RNF19A: variants seen among roughly 807,000 people sequenced by gnomAD.
RNF19A encodes ring finger protein 19A, RBR E3 ubiquitin protein ligase.
RNF19A carries 32 observed loss-of-function variants against 75.7 expected under a neutral mutation model. That is an observed-to-expected ratio of 0.42 (90% confidence interval 0.32 to 0.57). The LOEUF (loss-of-function observed/expected upper bound fraction) is 0.57, where lower values mean the gene tolerates loss of function less well. Ranked by LOEUF, RNF19A falls within the 20% of genes least tolerant of loss-of-function variation. The pLI is 0.10. For synonymous variants in RNF19A, 335 were observed against 345.2 expected (o/e 0.97, Z 0.33); for missense variants, 782 against 1,036.3 (o/e 0.75, Z 3.37).
At chr8:100,263,093 G>C (rs1819801530) in intron 7 of RNF19A, among the ~76,000 whole-genome samples, 1 of 152,182 alleles carries the variant, frequency 6.6e-6, no homozygotes, top group Non-Finnish European at 1.5e-5. Flanking sequence ...ATGCAAGTTT[G>C]AAGTTCAGGG....
In RNF19A at chr8:100,259,241, C is replaced by T; in HGVS notation, c.1832G>A (p.Gly611Asp). 1 of 1,603,448 alleles carries T rather than the reference C, an allele frequency of 6.2e-7. No homozygotes were observed. The highest frequency in any genetic ancestry group is 8.5e-7 in the Non-Finnish European group (1 of 1,174,322). Residue 611 changes from glycine to aspartate, a missense_variant, in exon 10 of 10, where the codon GGC becomes GAC. This residue lies in a region of RNF19A where 442 missense variants were observed against 541.6 expected (regional missense o/e 0.82). Coordinates refer to ENST00000341084, the MANE Select transcript of RNF19A (RefSeq NM_183419.4). The surrounding 1 kb of genome is among the most constrained non-coding windows in gnomAD (Gnocchi z 4.5). ...LNSYIPLDKEGNSMEVQVDIE... is the reference protein window; with the variant it reads ...LNSYIPLDKEDNSMEVQVDIE... ...ATCTACTTGCACCTCCATACTGTTGCCTTCTCTGAAATATAAGAGTAACAA... is the reference window on the plus strand; with the variant it reads ...ATCTACTTGCACCTCCATACTGTTGTCTTCTCTGAAATATAAGAGTAACAA...
Position 100,264,420 on chromosome 8 carries a change from A to G in RNF19A, c.1307-225T>C. On this transcript the variant is annotated intron_variant, in intron 6 of 9. Transcript: ENST00000341084. The surrounding 1 kb of genome is among the most constrained non-coding windows in gnomAD (Gnocchi z 4.7). ...ATAAGGGGAAAAAGAGAGAGATGCA[A>G]ACTTTTTTCTTTTGAAGTGCCAGGC... The G allele has an allele frequency of 1.7e-6, 1 of 577,352 alleles. No individual in the cohort carries two copies. Among genetic ancestry groups the G allele is most frequent in the Non-Finnish European group, 3.0e-6 (1 of 331,978 alleles). The allele number at this position is 577,352 out of a possible 1,614,324, so 35.8% of individuals were successfully genotyped here. A position where few individuals can be genotyped will look rare whatever the true frequency, so the allele number is the denominator to read the frequency against.
At chr8:100,302,353 T>C (rs922785774) in intron 1 of RNF19A, among the ~76,000 whole-genome samples, 38 of 152,326 alleles carry the variant, frequency 2.5e-4, no homozygotes, top group African/African-American at 8.4e-4. Context: ...GATTTCCTGA[T>C]GGATTACAAG....
intron 7 of RNF19A, among the ~76,000 whole-genome samples, chr8:100,262,997 T>C (rs1177005469): frequency 6.6e-6 from 1 of 152,018 alleles, no homozygotes; most frequent in Admixed American, 6.6e-5. Context: ...AAGAAGAGAT[T>C]TTAGAGCCAA....
rs759327903 is a variant in RNF19A, at chr8:100,258,518, G to A, written c.*38C>T. On this transcript the variant is annotated 3_prime_UTR_variant, in exon 10 of 10. Transcript: ENST00000341084. The surrounding 1 kb of genome is among the most constrained non-coding windows in gnomAD (Gnocchi z 4.3). ...ATGTAGTTCAACCAGCTCCAAACACGGTTGTACAGTGGTAATTATTCTGCA... is the reference window on the plus strand; with the variant it reads ...ATGTAGTTCAACCAGCTCCAAACACAGTTGTACAGTGGTAATTATTCTGCA... The A allele has an allele frequency of 7.9e-6, 12 of 1,513,782 alleles. No individual in the cohort carries two copies. Among genetic ancestry groups the A allele is most frequent in the East Asian group, 4.5e-5 (2 of 44,348 alleles). 93.8% of individuals were successfully genotyped at this position (1,513,782 alleles called of 1,614,324 possible). A position where few individuals can be genotyped will look rare whatever the true frequency, so the allele number is the denominator to read the frequency against.
In RNF19A at chr8:100,264,736, A is replaced by C. The variant is rs558501701; in HGVS notation, c.1241T>G (p.Leu414Trp). 1.2e-6 allele frequency: 2 copies of C among 1,613,770 alleles called. No individual in the cohort carries two copies. Among genetic ancestry groups the C allele is most frequent in the African/African-American group, 1.3e-5 (1 of 75,048 alleles). ...CAACGTTACACCACCTGCTATGGCC[A>C]AATTCCGTTTGTGCTTTGAAACATC... ...GKDVSKHKRN[L>W]AIAGGVTLSV... The change falls in exon 6 of 10, where the codon TTG becomes TGG. Residue 414 changes from leucine to tryptophan, a missense_variant. Around this residue, in one of 7 missense-constraint regions of RNF19A, gnomAD observed 442 missense variants for 541.6 expected, o/e 0.82. Transcript: ENST00000341084. This position sits in a 1 kb window ranked among gnomAD's most constrained non-coding sequence, Gnocchi z 4.7.
At position 100,269,997 on chromosome 8, in the gene RNF19A, T is replaced by C. The variant is rs774486622; in HGVS notation, c.900A>G (p.Pro300=). The C allele has an allele frequency of 6.3e-7, 1 of 1,594,322 alleles. No homozygotes were observed. ...ESGAAADDIK[P]CPRCAAYIIK... ...TTATATAAGCAGCACATCGTGGACA[T>C]GGCTTTATATCATCAGCTATTGGGA... The change falls in exon 4 of 10, where the codon CCA becomes CCG. Residue 300 remains proline, a synonymous_variant. Coordinates refer to ENST00000341084, the MANE Select transcript of RNF19A (RefSeq NM_183419.4). This position sits in a 1 kb window ranked among gnomAD's most constrained non-coding sequence, Gnocchi z 5.7.
rs1168131804 is a variant in RNF19A at position 100,323,155 on chromosome 8, G to A, written c.-242-9783C>T. On this transcript the variant is annotated intron_variant, in intron 1 of 3. Transcript: ENST00000519527. The surrounding 1 kb of genome is among the most constrained non-coding windows in gnomAD (Gnocchi z 4.6). ...GCAATAAAGCAAAGCACAATAAAAT[G>A]AGGTAAGCCCATAAATATTAGCTGT... Among the ~76,000 whole-genome samples, 6 of 152,146 alleles carry A rather than the reference G, an allele frequency of 3.9e-5. No homozygotes were observed. Among genetic ancestry groups the A allele is most frequent in the Admixed American group, 3.9e-4 (6 of 15,278 alleles).
rs7819626 is a variant in RNF19A, at chr8:100,329,346, A to C, written c.-243+6762T>G. Among the ~76,000 whole-genome samples the C allele has an allele frequency of 0.029, 4,439 of 152,236 alleles. 200 individuals are homozygous for C. Among genetic ancestry groups the C allele is most frequent in the African/African-American group, 0.1 (4,173 of 41,516 alleles). ...ATAGTTACAAAAGGCCTGACTTGGC[A>C]GCCATTCATGAGGGAAAAAAAAAAG... is the stretch of plus-strand genomic sequence containing the variant. On this transcript the variant is annotated intron_variant, in intron 1 of 3. Coordinates refer to the RNF19A transcript ENST00000519527. The surrounding 1 kb of genome is among the most constrained non-coding windows in gnomAD (Gnocchi z 4.3).
intron 3 of RNF19A, among the ~76,000 whole-genome samples, chr8:100,271,919 G>A (rs568641398): frequency 1.0e-3 from 158 of 152,098 alleles, no homozygotes; most frequent in African/African-American, 3.5e-3. Flanking sequence ...ACCGTTCCCC[G>A]ATATGAAAAA....
chr8:100,262,849 G>A (rs1040533250), intron 7 of RNF19A, among the ~76,000 whole-genome samples: 3 of 152,106 alleles, frequency 2.0e-5, no homozygotes, highest in Non-Finnish European at 4.4e-5. Flanking sequence ...AATATTGAAG[G>A]AAGCAGCAGA....
rs937550177 is a variant in RNF19A at position 100,323,059 on chromosome 8, C to T, written c.-242-9687G>A. Among the ~76,000 whole-genome samples, 1 of 151,924 alleles carries T rather than the reference C, an allele frequency of 6.6e-6. No homozygotes were observed. The highest frequency in any genetic ancestry group is 2.4e-5 in the African/African-American group (1 of 41,286). Reference sequence around the variant, plus strand: ...TGCCGAAAAATGTTGCCAATAGACTCGCTGGTTGCAGGGTTGCCACAAACC... The same window carrying T: ...TGCCGAAAAATGTTGCCAATAGACTTGCTGGTTGCAGGGTTGCCACAAACC... On this transcript the variant is annotated intron_variant, in intron 1 of 3. Transcript: ENST00000519527. The surrounding 1 kb of genome is among the most constrained non-coding windows in gnomAD (Gnocchi z 4.6).
In RNF19A at chr8:100,258,697, C is replaced by G. The variant is rs1187183117; in HGVS notation, c.2376G>C (p.Leu792Phe). 1 of 1,614,134 alleles carries G rather than the reference C, an allele frequency of 6.2e-7. No homozygotes were observed. Among genetic ancestry groups the G allele is most frequent in the East Asian group, 2.2e-5 (1 of 44,874 alleles). The stretch of plus-strand genomic sequence containing the variant: ...TACCATGTTCTTCAGCAATATGATT[C>G]AACTGTGAAACTTCTGAACAGGAAG... ...QTASCSEVSQ[L>F]NHIAEEHGNN... is the part of the protein sequence containing the mutation. The change falls in exon 10 of 10, where the codon TTG becomes TTC. Residue 792 changes from leucine to phenylalanine, a missense_variant. Transcript: ENST00000341084. The surrounding 1 kb of genome is among the most constrained non-coding windows in gnomAD (Gnocchi z 4.3).
chr8:100,312,999 T>C (rs918913496), upstream of RNF19A, among the ~76,000 whole-genome samples: 2 of 152,240 alleles, frequency 1.3e-5, no homozygotes, highest in East Asian at 3.8e-4. Context: ...TGACCAAGGT[T>C]GGAAACCACT....
At chr8:100,270,888 T>C (rs747697148) in intron 3 of RNF19A, among the ~76,000 whole-genome samples, 2 of 152,174 alleles carry the variant, frequency 1.3e-5, no homozygotes, top group Non-Finnish European at 2.9e-5. Flanking sequence ...AACATAACTT[T>C]AGGAAAATTA....
intron 3 of RNF19A, 128 bp from the exon 4 acceptor site, chr8:100,270,141 G>A (rs1490367029): frequency 3.1e-6 from 2 of 653,654 alleles, no homozygotes; most frequent in East Asian, 6.5e-5. Flanking sequence ...GCTTCAGCCT[G>A]CTGTTTTTAG....
At chr8:100,335,175 C>T (rs945572863) in intron 1 of RNF19A, among the ~76,000 whole-genome samples, 1 of 152,142 alleles carries the variant, frequency 6.6e-6, no homozygotes, top group African/African-American at 2.4e-5. Flanking sequence ...GTACATAGCT[C>T]CCCTATTTAT....
At chr8:100,310,255 C>T, upstream of RNF19A, 1 of 985,016 alleles carries the variant, frequency 1.0e-6, no homozygotes, top group South Asian at 4.7e-5. Flanking sequence ...GCGGCTGTTC[C>T]CTTGCGCACG....
At chr8:100,310,692 G>T (rs1822271569), upstream of RNF19A, among the ~76,000 whole-genome samples, 1 of 152,202 alleles carries the variant, frequency 6.6e-6, no homozygotes. Flanking sequence ...GTTAGGAACA[G>T]TACTTAGCCA....
Sources: allele counts gnomAD v4.1 joint callset (sites outside exome capture counted in the v4.1 genomes callset), GRCh38; gene constraint gnomAD v4.1.1; regional missense constraint gnomAD v4.1.1; non-coding constraint Gnocchi (gnomAD v3.1); transcripts MANE v1.5; gene names NCBI Gene and HGNC (gene_info 2026-07-23, HGNC 2026-07-21).